The following ZNF502 variants were observed in gnomAD, a reference collection of about 807,000 sequenced individuals.
The protein encoded by ZNF502 is zinc finger protein 502.
ZNF502 carries 29 observed loss-of-function variants against 43.6 expected under a neutral mutation model. The observed-to-expected ratio is 0.67, with a 90% confidence interval of 0.50 to 0.91. The LOEUF (loss-of-function observed/expected upper bound fraction) is 0.91. Among genes scored for constraint, ZNF502 ranks in the 40% least tolerant of loss-of-function variants. ZNF502 has a pLI of 0.00. For synonymous variants in ZNF502, 171 were observed against 207.4 expected (o/e 0.82, Z 1.51); for missense variants, 591 against 647.2 (o/e 0.91, Z 0.94).
In ZNF502 at chr3:44,722,747, T is replaced by C; in HGVS notation, c.*295T>C. The C allele has an allele frequency of 3.1e-6, 1 of 325,212 alleles. No homozygotes were observed. Among genetic ancestry groups the C allele is most frequent in the Non-Finnish European group, 5.6e-6 (1 of 178,278 alleles). The allele number at this position is 325,212 out of a possible 1,614,324, so 20.1% of individuals were successfully genotyped here. A position where few individuals can be genotyped will look rare whatever the true frequency, so the allele number is the denominator to read the frequency against. On this transcript the variant is annotated 3_prime_UTR_variant, in exon 3 of 3. Transcript: ENST00000436624. ...TTGAGGAGGCATTTGTTAGCACTTC[T>C]GTTCACTTTACTACATCCTGCCCCA...
Position 44,720,920 on chromosome 3 carries a change from A to G in ZNF502, c.103A>G (p.Ile35Val). 1.2e-6 allele frequency: 2 copies of G among 1,613,742 alleles called. No homozygotes were observed. Among genetic ancestry groups the G allele is most frequent in the Non-Finnish European group, 1.7e-6 (2 of 1,179,868 alleles). The change falls in exon 3 of 3, where the codon ATT becomes GTT. Residue 35 changes from isoleucine (I) to valine (V), a missense_variant. By Grantham distance (29) the Ile-to-Val change is conservative. Coordinates refer to ENST00000436624, the MANE Select transcript of ZNF502 (RefSeq NM_001134442.3). ...TGCTCTGGAGCAGGATGTCTGTAAA[A>G]TTGACTCATCAGGGATAGTAGTAAA... ...KPALEQDVCK[I>V]DSSGIVVKRF...
rs1041557672 is a variant in ZNF502 at position 44,713,800 on chromosome 3, G to A, written c.-60+1060G>A. Among the ~76,000 whole-genome samples, 6 of 151,854 alleles carry A rather than the reference G, an allele frequency of 4.0e-5. No homozygotes were observed. In the South Asian group the frequency reaches 1.3e-3, roughly 32 times the overall value. On this transcript the variant is annotated intron_variant, in intron 1 of 2. Transcript: ENST00000436624. ...TCACAGTGTTGGTCAGGCTGGTCGC[G>A]AACTCCCAACCTCAAGTGATCCACC...
chr3:44,713,743 G>C (rs1704079482), intron 1 of ZNF502, among the ~76,000 whole-genome samples: 1 of 152,052 alleles, frequency 6.6e-6, no homozygotes, highest in South Asian at 2.1e-4. Flanking sequence ...ACCACACCTG[G>C]CTAATTTTGT....
At position 44,721,715 on chromosome 3, in the gene ZNF502, T is replaced by C. The variant is rs778278907; in HGVS notation, c.898T>C (p.Cys300Arg). 6.2e-7 allele frequency: 1 copy of C among 1,613,234 alleles called. No individual in the cohort carries two copies. Among genetic ancestry groups the C allele is most frequent in the East Asian group, 2.2e-5 (1 of 44,848 alleles). ...TGAGAAGCCTTACATATGCAGTGAA[T>C]GTGGCTCTTCTTTTCGAAAACACTC... The part of the protein sequence containing the change: ...TGEKPYICSE[C>R]GSSFRKHSNL... The change falls in exon 3 of 3, where the codon TGT (cysteine) becomes CGT (arginine). Residue 300 changes from cysteine to arginine, a missense_variant. Coordinates refer to ENST00000436624, the MANE Select transcript of ZNF502 (RefSeq NM_001134442.3).
chr3:44,720,754 T>A (rs897225482), intron 2 of ZNF502, 119 bp from the exon 3 acceptor site: 37 of 1,125,676 alleles, frequency 3.3e-5, no homozygotes, highest in Non-Finnish European at 4.4e-5. Flanking sequence ...CCACACTTGC[T>A]GTTACTGGCC....
chr3:44,717,476 A>C (rs1704177324), intron 1 of ZNF502, among the ~76,000 whole-genome samples: 1 of 137,464 alleles, frequency 7.3e-6, no homozygotes. Context: ...CAATGACACG[A>C]TCCATCCTCA....
rs1704413079 is a variant in ZNF502 at position 44,723,135 on chromosome 3, G to C, written c.*683G>C. ...TTCTTCCAAGCTTTGAGGTGACTCA[G>C]AGCTAAGAATGAAATAGGAGACCAA... On this transcript the variant is annotated 3_prime_UTR_variant, in exon 3 of 3. Transcript: ENST00000436624. 6.6e-6 allele frequency: 1 copy of C among 152,198 alleles called. No homozygotes were observed. The highest frequency in any genetic ancestry group is 6.5e-5 in the Admixed American group (1 of 15,274). The allele number at this position is 152,198 out of a possible 1,614,324, so 9.4% of individuals were successfully genotyped here.
Position 44,721,229 on chromosome 3 carries a change from G to T in ZNF502, c.412G>T (p.Asp138Tyr), listed in dbSNP as rs1488798182. ...GGAAACAAGTAATATACAAACCAAT[G>T]ATATTTCAGACCAAAGTAAATGTCC... Reference protein sequence around the residue: ...QWETSNIQTNDISDQSKCPTL... With the variant: ...QWETSNIQTNYISDQSKCPTL... The change falls in exon 3 of 3, where the codon GAT becomes TAT. Residue 138 changes from aspartate to tyrosine, a missense_variant. Asp to Tyr is a radical substitution (Grantham distance 160, BLOSUM62 -3). Coordinates refer to ENST00000436624, the MANE Select transcript of ZNF502 (RefSeq NM_001134442.3). 1.2e-6 allele frequency: 2 copies of T among 1,614,090 alleles called. No individual in the cohort carries two copies. The highest frequency in any genetic ancestry group is 1.1e-5 in the South Asian group (1 of 91,082).
intron 1 of ZNF502, among the ~76,000 whole-genome samples, chr3:44,717,573 GGC>G (rs1363245274): frequency 6.6e-6 from 1 of 151,744 alleles, no homozygotes; most frequent in Non-Finnish European, 1.5e-5. Context: ...CACCATGCCT[GGC>G]TAATTTTGTA....
intron 1 of ZNF502, among the ~76,000 whole-genome samples, chr3:44,717,990 A>T (rs1433751983): frequency 6.6e-6 from 1 of 152,098 alleles, no homozygotes; most frequent in Non-Finnish European, 1.5e-5. Context: ...TCACTGTTGG[A>T]GTTTTCCTAG....
Position 44,723,668 on chromosome 3 carries a change from C to T in ZNF502, c.*1216C>T, listed in dbSNP as rs1704432554. 6.6e-6 allele frequency: 1 copy of T among 152,132 alleles called. No individual in the cohort carries two copies. The highest frequency in any genetic ancestry group is 2.1e-4 in the South Asian group (1 of 4,824). 9.4% of individuals were successfully genotyped at this position (152,132 alleles called of 1,614,324 possible). A position where few individuals can be genotyped will look rare whatever the true frequency, so the allele number is the denominator to read the frequency against. The stretch of plus-strand genomic sequence containing the variant: ...CTTTTGAGAGAAATGACATAGTTTT[C>T]CCTTTATTTCCCAAATTCCTTTCAT... On this transcript the variant is annotated 3_prime_UTR_variant, in exon 3 of 3. Transcript: ENST00000436624.
Position 44,721,285 on chromosome 3 carries a change from A to G in ZNF502, c.468A>G (p.Lys156=), listed in dbSNP as rs1704321728. Residue 156 remains lysine, a synonymous_variant, in exon 3 of 3, where the codon AAA becomes AAG. Transcript: ENST00000436624. The stretch of plus-strand genomic sequence containing the variant: ...TCTGCACACAGAAAAAATCTTGGAA[A>G]TGTAATGAATGTGGAAAAACCTTTA... The part of the protein sequence containing the change: ...PTLCTQKKSW[K]CNECGKTFTQ... The G allele has an allele frequency of 6.2e-7, 1 of 1,614,044 alleles. No homozygotes were observed.
chr3:44,717,760 G>A (rs1704188916), intron 1 of ZNF502, among the ~76,000 whole-genome samples: 1 of 152,060 alleles, frequency 6.6e-6, no homozygotes, highest in Non-Finnish European at 1.5e-5. Context: ...CTGGACTCAA[G>A]TGATCCTCCC....
rs774884980 is a variant in ZNF502 at position 44,722,240 on chromosome 3, A to G, written c.1423A>G (p.Ser475Gly). Residue 475 changes from serine to glycine, a missense_variant, in exon 3 of 3, where the codon AGC becomes GGC. Coordinates refer to ENST00000436624, the MANE Select transcript of ZNF502 (RefSeq NM_001134442.3). ...AGAATGTGGGAAAGCCTTTGCTCAT[A>G]GCTCATCTCTTACTGAACATCATAG... is the stretch of plus-strand genomic sequence containing the variant. ...CKECGKAFAH[S>G]SSLTEHHRTH... The G allele has an allele frequency of 1.2e-6, 2 of 1,614,236 alleles. No individual in the cohort carries two copies. Among genetic ancestry groups the G allele is most frequent in the Admixed American group, 3.3e-5 (2 of 60,034 alleles).
At chr3:44,718,350 C>G (rs1704205738) in intron 1 of ZNF502, among the ~76,000 whole-genome samples, 1 of 152,176 alleles carries the variant, frequency 6.6e-6, no homozygotes, top group Admixed American at 6.6e-5. Context: ...TTCACCTTGC[C>G]CTCCCACTCC....
Position 44,720,183 on chromosome 3 carries a change from C to A in ZNF502, c.-59-20C>A. ...CAGTAATATTCCCTCCCTCCCTGCA[C>A]CTTTTCTCCCCATGAGCAGGGTTCC... On this transcript the variant is annotated intron_variant, in intron 1 of 2. Coordinates refer to ENST00000436624, the MANE Select transcript of ZNF502 (RefSeq NM_001134442.3). The A allele has an allele frequency of 6.6e-7, 1 of 1,516,872 alleles. No individual in the cohort carries two copies. The highest frequency in any genetic ancestry group is 9.2e-7 in the Non-Finnish European group (1 of 1,091,744). 94.0% of individuals were successfully genotyped at this position (1,516,872 alleles called of 1,614,324 possible).
In ZNF502 at chr3:44,720,811, C is replaced by T. The variant is rs981283174; in HGVS notation, c.56-62C>T. 1.8e-5 allele frequency: 27 copies of T among 1,526,368 alleles called. No homozygotes were observed. The Admixed American group carries it at 2.4e-4, about 14-fold the overall frequency. 94.6% of individuals were successfully genotyped at this position (1,526,368 alleles called of 1,614,324 possible). A position where few individuals can be genotyped will look rare whatever the true frequency, so the allele number is the denominator to read the frequency against. ...AGGTCTGCCAAAAGTTAAGGTCTTA[C>T]AGTTTCAGGGGCCTTCACTCTGCCC... On this transcript the variant is annotated intron_variant, in intron 2 of 2. Coordinates refer to ENST00000436624, the MANE Select transcript of ZNF502 (RefSeq NM_001134442.3).
chr3:44,718,831 G>A (rs1034179696), intron 1 of ZNF502, among the ~76,000 whole-genome samples: 27 of 152,128 alleles, frequency 1.8e-4, no homozygotes, highest in Admixed American at 3.9e-4. Flanking sequence ...TTTTTCCAGC[G>A]TCTAGCACTG....
rs139466603 is a variant in ZNF502 at position 44,721,278 on chromosome 3, C to T, written c.461C>T (p.Ser154Phe). ...KCPTLCTQKK[S>F]WKCNECGKTF... Reference sequence around the variant, plus strand: ...CCAACTCTCTGCACACAGAAAAAATCTTGGAAATGTAATGAATGTGGAAAA... The same window carrying T: ...CCAACTCTCTGCACACAGAAAAAATTTTGGAAATGTAATGAATGTGGAAAA... The change falls in exon 3 of 3, where the codon TCT (serine) becomes TTT (phenylalanine). Residue 154 changes from serine (S) to phenylalanine (F), a missense_variant. Ser to Phe is a radical substitution (Grantham distance 155, BLOSUM62 -2). Coordinates refer to ENST00000436624, the MANE Select transcript of ZNF502 (RefSeq NM_001134442.3). The T allele has an allele frequency of 3.4e-4, 545 of 1,614,122 alleles. No individual in the cohort carries two copies. The highest frequency in any genetic ancestry group is 4.4e-4 in the Non-Finnish European group (524 of 1,180,010).
Sources: allele counts gnomAD v4.1 joint callset (sites outside exome capture counted in the v4.1 genomes callset), GRCh38; gene constraint gnomAD v4.1.1; transcripts MANE v1.5; gene names NCBI Gene and HGNC (gene_info 2026-07-23, HGNC 2026-07-21).